The following NPAS3 variants were observed in gnomAD, a reference collection of about 807,000 sequenced individuals.
NPAS3 encodes neuronal PAS domain-containing protein 3.
NPAS3 carries 14 observed loss-of-function variants against 73.1 expected under a neutral mutation model. The observed-to-expected ratio is 0.19, with a 90% CI of 0.13 to 0.30. The LOEUF is 0.30. Ranked by LOEUF, NPAS3 falls within the 10% of genes least tolerant of loss-of-function variation. NPAS3 has a pLI of 1.00. For missense variants in NPAS3, 1,096 were observed against 1,250.0 expected (o/e 0.88, Z 1.86); for synonymous variants, 620 against 541.5 (o/e 1.14, Z -2.01).
intron 1 of NPAS3, among the ~76,000 whole-genome samples, chr14:32,956,852 C>A (rs1370740292): frequency 6.6e-6 from 1 of 152,102 alleles, no homozygotes; most frequent in Non-Finnish European, 1.5e-5. Flanking sequence ...AAAATATGCC[C>A]CCTCTACACA....
chr14:33,093,439 G>A (rs751045160), intron 2 of NPAS3, among the ~76,000 whole-genome samples: 1 of 152,206 alleles, frequency 6.6e-6, no homozygotes, highest in East Asian at 1.9e-4. Flanking sequence ...ACACCAGTTA[G>A]AATGGTGATC....
At chr14:33,520,189 G>A (rs958730283) in intron 4 of NPAS3, among the ~76,000 whole-genome samples, 5 of 152,116 alleles carry the variant, frequency 3.3e-5, no homozygotes, top group Admixed American at 6.5e-5. Context: ...ACAAAAAGTC[G>A]CTTCCCCTTG....
chr14:33,724,467 C>T (rs562037213), intron 6 of NPAS3, among the ~76,000 whole-genome samples: 1 of 152,106 alleles, frequency 6.6e-6, no homozygotes, highest in Admixed American at 6.5e-5. Context: ...AACCCTGTTT[C>T]CTCAAAAAAC....
rs1355765121 is a variant in NPAS3, at chr14:33,328,060, T to C, written c.386-39126T>C. ...AAATACTCAGCAATTCTATTGGCAC[T>C]GGAAATAATCATGATGGATGTATTT... On this transcript the variant is annotated intron_variant, in intron 3 of 11. Coordinates refer to ENST00000356141, the Ensembl canonical transcript of NPAS3. Among the ~76,000 whole-genome samples, 8 of 152,326 alleles carry C rather than the reference T, an allele frequency of 5.3e-5. No individual in the cohort carries two copies. In the East Asian group the frequency reaches 1.5e-3, roughly 29 times the overall value.
chr14:33,009,698 C>T lies in NPAS3; in HGVS notation c.51-46207C>T, dbSNP rs2039123749. ...TTTTCTGTCTCACTAAGTCCAAGGCCATAGTACCACTTTTTCTTCATTATA... is the reference window on the plus strand; with the variant it reads ...TTTTCTGTCTCACTAAGTCCAAGGCTATAGTACCACTTTTTCTTCATTATA... On this transcript the variant is annotated intron_variant, in intron 1 of 11. Transcript: ENST00000356141. Among the ~76,000 whole-genome samples, 2 of 152,068 alleles carry T rather than the reference C, an allele frequency of 1.3e-5. 1 individual carries two copies. The highest frequency in any genetic ancestry group is 4.1e-4 in the South Asian group (2 of 4,824).
intron 3 of NPAS3, among the ~76,000 whole-genome samples, chr14:33,232,073 T>G (rs2047872621): frequency 6.6e-6 from 1 of 152,196 alleles, no homozygotes; most frequent in African/African-American, 2.4e-5. Context: ...TTCAGCACAT[T>G]CTAGCCAGAA....
In NPAS3 at chr14:33,321,002, A is replaced by G. The variant is rs73256850; in HGVS notation, c.386-46184A>G. ...CCTTGTCCTACAAACTGCAGAGAAC[A>G]TTGCTTCTCAGAATGATGCAAAGCA... On this transcript the variant is annotated intron_variant, in intron 3 of 11. Transcript: ENST00000356141. Among the ~76,000 whole-genome samples, 71 of 152,224 alleles carry G rather than the reference A, an allele frequency of 4.7e-4. 1 individual carries two copies. Among genetic ancestry groups the G allele is most frequent in the African/African-American group, 1.7e-3 (69 of 41,536 alleles).
chr14:33,398,491 CT>C (rs1347534737), intron 4 of NPAS3, among the ~76,000 whole-genome samples: 1 of 149,776 alleles, frequency 6.7e-6, no homozygotes, highest in Non-Finnish European at 1.5e-5. Context: ...ACTGTTTTAA[CT>C]TTTTCTTAGT....
At chr14:33,503,150 A>G (rs570644767) in intron 4 of NPAS3, among the ~76,000 whole-genome samples, 3 of 152,122 alleles carry the variant, frequency 2.0e-5, no homozygotes, top group East Asian at 1.9e-4. Flanking sequence ...AAAAATATCA[A>G]TGCAAAAACC....
At chr14:33,639,201 G>C (rs1243937238) in intron 5 of NPAS3, among the ~76,000 whole-genome samples, 3 of 152,132 alleles carry the variant, frequency 2.0e-5, no homozygotes, top group Non-Finnish European at 4.4e-5. Flanking sequence ...CCCCTCTGTA[G>C]CTAATAGTAT....
chr14:33,582,970 G>GTTTTTTTTTTGTTTT (rs1555416779), intron 5 of NPAS3, among the ~76,000 whole-genome samples: 1 of 93,304 alleles, frequency 1.1e-5, no homozygotes, highest in African/African-American at 7.8e-5. Context: ...TATTTAAAGG[G>GTTTTTTTTTTGTTTT]TTTTTTTTTT....
chr14:33,223,489 A>G (rs985645396), intron 3 of NPAS3, among the ~76,000 whole-genome samples: 1 of 152,220 alleles, frequency 6.6e-6, no homozygotes, highest in African/African-American at 2.4e-5. Context: ...ATGGTATGAC[A>G]GCTTTCAAGA....
At chr14:33,760,103 G>T (rs2062236756) in intron 7 of NPAS3, among the ~76,000 whole-genome samples, 2 of 151,990 alleles carry the variant, frequency 1.3e-5, no homozygotes, top group African/African-American at 4.8e-5. Context: ...TCAGTAAGTG[G>T]CACCACCCCC....
intron 4 of NPAS3, among the ~76,000 whole-genome samples, chr14:33,447,390 G>T (rs190401640): frequency 1.3e-5 from 2 of 152,152 alleles, no homozygotes; most frequent in Non-Finnish European, 2.9e-5. Flanking sequence ...GTGTGTGGGC[G>T]CACGCACGCA....
At chr14:33,498,927 AGAGAGAGAGTGT>A (rs1164594178) in intron 4 of NPAS3, among the ~76,000 whole-genome samples, 2 of 96,842 alleles carry the variant, frequency 2.1e-5, no homozygotes, top group African/African-American at 4.7e-5. Context: ...AGAGAGAGAC[AGAGAGAGAGTGT>A]GTGTGTGTGT....
chr14:33,704,979 A>G (rs2060618145), intron 6 of NPAS3, among the ~76,000 whole-genome samples: 1 of 152,204 alleles, frequency 6.6e-6, no homozygotes, highest in Admixed American at 6.5e-5. Context: ...CCATTTCTCC[A>G]TCACTTGTCT....
At chr14:33,392,709 G>C (rs1440746835) in intron 4 of NPAS3, among the ~76,000 whole-genome samples, 1 of 152,146 alleles carries the variant, frequency 6.6e-6, no homozygotes, top group Non-Finnish European at 1.5e-5. Flanking sequence ...TGTGGTGTTT[G>C]AGTAGTGTCT....
chr14:33,152,159 A>C (rs1398360495), intron 2 of NPAS3, among the ~76,000 whole-genome samples: 2 of 152,078 alleles, frequency 1.3e-5, no homozygotes, highest in Non-Finnish European at 2.9e-5. Flanking sequence ...TACAGTGCGC[A>C]GGAAAGCCCC....
chr14:33,164,856 C>T (rs78373999), intron 2 of NPAS3, among the ~76,000 whole-genome samples: 5,369 of 144,352 alleles, frequency 0.037, 126 homozygotes, highest in Middle Eastern at 0.082. Context: ...TTTTTTTTTC[C>T]TGTCAATTCA....
Sources: allele counts gnomAD v4.1 joint callset (sites outside exome capture counted in the v4.1 genomes callset), GRCh38; gene constraint gnomAD v4.1.1; transcripts MANE v1.5; gene names NCBI Gene and HGNC (gene_info 2026-07-23, HGNC 2026-07-21).